Variants in ATXN7L1 observed in about 807,000 individuals in gnomAD.
ATXN7L1 encodes the protein ataxin 7 like 1.
In ATXN7L1, 15 loss-of-function variants were observed where a neutral mutation model predicts 70.8. The observed-to-expected ratio is 0.21, with a 90% CI of 0.14 to 0.33. The LOEUF is 0.33. ATXN7L1 is among the 10% of genes least tolerant of loss of function. The pLI is 1.00. For synonymous variants in ATXN7L1, 440 were observed against 445.1 expected, an observed-to-expected ratio of 0.99 and a Z score of 0.14; for missense variants, 975 against 1,097.1, an observed-to-expected ratio of 0.89 and a Z score of 1.57.
Position 105,820,208 on chromosome 7 carries a change from G to GT in ATXN7L1, c.251-31501dup, listed in dbSNP as rs2116563257. 2.1e-5 allele frequency: 5 copies of GT among 236,684 alleles called. No homozygotes were observed. The South Asian group carries it at 2.1e-4, about 10-fold the overall frequency. 14.7% of individuals were successfully genotyped at this position (236,684 alleles called of 1,614,324 possible). ...CCCCATCTGTTCCTGATGCCTGTAG[G>GT]TCACAGCAATAGAAGCAAAGCCTTT... On this transcript the variant is annotated intron_variant, in intron 2 of 11. Coordinates refer to ENST00000419735, the MANE Select transcript of ATXN7L1 (RefSeq NM_020725.2).
At chr7:105,621,472 G>A (rs976016516) in intron 8 of ATXN7L1, among the ~76,000 whole-genome samples, 2 of 152,200 alleles carry the variant, frequency 1.3e-5, no homozygotes, top group African/African-American at 4.8e-5. Context: ...CTTCTCCTTA[G>A]TATGAGGATA....
At chr7:105,783,042 T>A (rs1803764698) in intron 3 of ATXN7L1, among the ~76,000 whole-genome samples, 1 of 152,196 alleles carries the variant, frequency 6.6e-6, no homozygotes, top group Non-Finnish European at 1.5e-5. Context: ...ATACAACCTT[T>A]TTCTGTGTTC....
intron 9 of ATXN7L1, chr7:105,618,208 G>A (rs1794210015): frequency 2.7e-6 from 1 of 370,388 alleles, no homozygotes; most frequent in East Asian, 7.5e-5. Context: ...AACACAGGGA[G>A]CAAAGAGCTG....
chr7:105,642,188 C>CCT (rs931099851), intron 5 of ATXN7L1, among the ~76,000 whole-genome samples: 1 of 152,194 alleles, frequency 6.6e-6, no homozygotes, highest in Non-Finnish European at 1.5e-5. Context: ...ATCCTGTGTG[C>CCT]CTCTTCTGGC....
intron 10 of ATXN7L1, among the ~76,000 whole-genome samples, chr7:105,610,950 A>C (rs1383870588): frequency 6.6e-6 from 1 of 152,122 alleles, no homozygotes; most frequent in Non-Finnish European, 1.5e-5. Flanking sequence ...GGGCTTTTCT[A>C]CCTGTGGCCA....
chr7:105,845,969 T>C (rs1169805327), intron 2 of ATXN7L1, among the ~76,000 whole-genome samples: 1 of 152,150 alleles, frequency 6.6e-6, no homozygotes, highest in Non-Finnish European at 1.5e-5. Flanking sequence ...GGAGCAAATC[T>C]TGTGACCTGA....
intron 3 of ATXN7L1, among the ~76,000 whole-genome samples, chr7:105,787,192 C>A (rs1002360674): frequency 3.3e-5 from 5 of 152,224 alleles, no homozygotes; most frequent in Non-Finnish European, 5.9e-5. Flanking sequence ...TCCTTTCCTG[C>A]TCAGTCTGCC....
intron 3 of ATXN7L1, among the ~76,000 whole-genome samples, chr7:105,715,442 G>T (rs1156615669): frequency 1.3e-5 from 2 of 152,236 alleles, no homozygotes; most frequent in African/African-American, 4.8e-5. Context: ...TAAAATTCAT[G>T]TCCTTTCCTA....
At chr7:105,850,313 C>T (rs75246816) in intron 2 of ATXN7L1, among the ~76,000 whole-genome samples, 2,637 of 152,312 alleles carry the variant, frequency 0.017, 42 homozygotes, top group East Asian at 0.065. Flanking sequence ...GGAATACAGC[C>T]TTCACCAGCA....
intron 9 of ATXN7L1, among the ~76,000 whole-genome samples, chr7:105,615,056 G>A (rs1793669905): frequency 6.6e-6 from 1 of 151,952 alleles, no homozygotes; most frequent in African/African-American, 2.4e-5. Context: ...CTTTTCTCCA[G>A]GCTTGGCTAC....
rs1046062812 is a variant in ATXN7L1, at chr7:105,605,466, C to T, written c.*2386G>A. ...GTCTTTTGACAAAGTAAGCAGCATT[C>T]GATGAGGGTGGGGGGGGGGGTGGGG... On this transcript the variant is annotated 3_prime_UTR_variant, in exon 12 of 12. Coordinates refer to ENST00000419735, the MANE Select transcript of ATXN7L1 (RefSeq NM_020725.2). 2 of 38,110 alleles carry T rather than the reference C, an allele frequency of 5.2e-5. No individual in the cohort carries two copies. Among genetic ancestry groups the T allele is most frequent in the Non-Finnish European group, 9.6e-5 (2 of 20,868 alleles). The allele number at this position is 38,110 out of a possible 1,614,324, so 2.4% of individuals were successfully genotyped here.
intron 2 of ATXN7L1, among the ~76,000 whole-genome samples, chr7:105,861,180 C>T (rs1339130971): frequency 6.6e-6 from 1 of 152,096 alleles, no homozygotes; most frequent in Non-Finnish European, 1.5e-5. Context: ...CAAAGTGCTG[C>T]TGCAAAGGGC....
chr7:105,619,350 T>C (rs997074209), intron 9 of ATXN7L1, among the ~76,000 whole-genome samples: 3 of 146,882 alleles, frequency 2.0e-5, no homozygotes, highest in Non-Finnish European at 4.5e-5. Context: ...GGTTTCACTA[T>C]GTTGGCCAGG....
At chr7:105,809,738 C>T (rs970440673) in intron 2 of ATXN7L1, among the ~76,000 whole-genome samples, 26 of 151,024 alleles carry the variant, frequency 1.7e-4, no homozygotes, top group Non-Finnish European at 2.9e-4. Flanking sequence ...AGTGAGGTGC[C>T]TATGCTTACC....
At chr7:105,658,032 G>A (rs745754480) in intron 4 of ATXN7L1, among the ~76,000 whole-genome samples, 3 of 152,128 alleles carry the variant, frequency 2.0e-5, no homozygotes, top group Non-Finnish European at 4.4e-5. Flanking sequence ...CTATCTCATT[G>A]GTTATATGTT....
chr7:105,693,442 TG>T (rs1420810315), intron 3 of ATXN7L1, among the ~76,000 whole-genome samples: 4 of 152,206 alleles, frequency 2.6e-5, no homozygotes, highest in African/African-American at 4.8e-5. Flanking sequence ...TCCTCCCGCT[TG>T]GGCCTCCAAA....
chr7:105,611,011 G>C (rs568531882), intron 10 of ATXN7L1, among the ~76,000 whole-genome samples: 1 of 152,296 alleles, frequency 6.6e-6, no homozygotes, highest in South Asian at 2.1e-4. Context: ...AACCCATCTT[G>C]TTTCCAGCCC....
At chr7:105,837,081 T>C (rs1812495722) in intron 2 of ATXN7L1, among the ~76,000 whole-genome samples, 1 of 151,936 alleles carries the variant, frequency 6.6e-6, no homozygotes, top group Non-Finnish European at 1.5e-5. Context: ...AGTGAGTGGG[T>C]GGGGGGAGGT....
intron 3 of ATXN7L1, among the ~76,000 whole-genome samples, chr7:105,707,249 G>C (rs1793297767): frequency 6.6e-6 from 1 of 152,198 alleles, no homozygotes; most frequent in African/African-American, 2.4e-5. Context: ...ACAAGGTCCA[G>C]GGAGTTAGAC....
Sources: gnomAD v4.1 joint callset for allele counts (sites outside exome capture counted in the v4.1 genomes callset) on GRCh38, gnomAD v4.1.1 for gene constraint, MANE v1.5 for transcripts, NCBI Gene and HGNC (gene_info 2026-07-23, HGNC 2026-07-21) for gene names.